RANBP2: variants seen among roughly 807,000 people sequenced by gnomAD.
RANBP2 encodes the protein E3 SUMO-protein ligase RanBP2.
In RANBP2, 57 loss-of-function variants were observed where a neutral mutation model predicts 303.6. The observed-to-expected ratio is 0.19, with a 90% CI of 0.15 to 0.23. The LOEUF (loss-of-function observed/expected upper bound fraction) is 0.23, where lower values mean the gene tolerates loss of function less well. Among genes scored for constraint, RANBP2 ranks in the 10% least tolerant of loss-of-function variants. The pLI, the probability that RANBP2 is intolerant of heterozygous loss-of-function variation, is 1.00. For missense variants in RANBP2, 3,138 were observed against 3,780.8 expected (o/e 0.83, Z 4.46); for synonymous variants, 1,167 against 1,301.5 (o/e 0.90, Z 2.23).
the RANBP2 span, among the ~76,000 whole-genome samples, chr2:109,650,391 C>T: frequency 6.6e-6 from 1 of 152,292 alleles, no homozygotes; most frequent in East Asian, 1.9e-4. Context: ...AAGCCAGGAC[C>T]ACCTATGTGA....
intron 23 of RANBP2, among the ~76,000 whole-genome samples, chr2:108,775,405 C>T (rs1419411601): frequency 2.6e-5 from 4 of 152,126 alleles, no homozygotes; most frequent in Admixed American, 2.6e-4. Context: ...TTGGCAGTTC[C>T]AGTTTTTTTG....
At chr2:108,843,956 T>A in the RANBP2 span, among the ~76,000 whole-genome samples, 1 of 130,504 alleles carries the variant, frequency 7.7e-6, no homozygotes, top group Non-Finnish European at 1.6e-5. Flanking sequence ...AGTGGCACAA[T>A]CACGGCTCAC....
At chr2:108,794,807 C>A in the RANBP2 span, 1 of 932,652 alleles carries the variant, frequency 1.1e-6, no homozygotes, top group Non-Finnish European at 1.6e-6. Flanking sequence ...TAATATATTT[C>A]ATTTTAATTA....
chr2:109,682,666 G>A, the RANBP2 span, among the ~76,000 whole-genome samples: 4 of 152,284 alleles, frequency 2.6e-5, no homozygotes, highest in South Asian at 2.1e-4. Flanking sequence ...ATAGTAAGGT[G>A]TGATGGCTCA....
chr2:108,984,918 T>A, the RANBP2 span, among the ~76,000 whole-genome samples: 871 of 152,334 alleles, frequency 5.7e-3, 8 homozygotes, highest in African/African-American at 0.02. Flanking sequence ...CTCCTGTGCA[T>A]GCAGGATTCT....
chr2:109,629,322 TATATATATATATATATATATATATA>T, the RANBP2 span, among the ~76,000 whole-genome samples: 9 of 5,690 alleles, frequency 1.6e-3, no homozygotes, highest in African/African-American at 4.9e-3. Flanking sequence ...TATATATATA[TATATATATATATATATATATATATA>T]TATATATATT....
chr2:109,624,296 A>G, the RANBP2 span, among the ~76,000 whole-genome samples: 1 of 152,190 alleles, frequency 6.6e-6, no homozygotes, highest in Non-Finnish European at 1.5e-5. Context: ...GGCTCTGGGA[A>G]GCTTTTTGAG....
the RANBP2 span, among the ~76,000 whole-genome samples, chr2:109,262,817 A>G: frequency 6.6e-6 from 1 of 152,068 alleles, no homozygotes; most frequent in Non-Finnish European, 1.5e-5. Flanking sequence ...TTTTATTTTC[A>G]TACAAGACTT....
the RANBP2 span, among the ~76,000 whole-genome samples, chr2:109,717,683 G>A: frequency 5.5e-4 from 83 of 152,246 alleles, no homozygotes; most frequent in African/African-American, 1.8e-3. Context: ...GGAGTCCAAG[G>A]CGGGTAGATC....
the RANBP2 span, among the ~76,000 whole-genome samples, chr2:109,777,389 G>A: frequency 6.9e-6 from 1 of 144,348 alleles, no homozygotes; most frequent in Admixed American, 7.3e-5. Context: ...TACATTGACT[G>A]ATTTTTATAT....
At chr2:109,403,329 C>A in the RANBP2 span, among the ~76,000 whole-genome samples, 2 of 152,218 alleles carry the variant, frequency 1.3e-5, no homozygotes, top group African/African-American at 4.8e-5. Flanking sequence ...CTCCTCTGTC[C>A]TGGCTTGCAT....
chr2:108,861,042 A>G, the RANBP2 span, among the ~76,000 whole-genome samples: 1 of 139,280 alleles, frequency 7.2e-6, no homozygotes, highest in Non-Finnish European at 1.5e-5. Context: ...TTCCTGATTC[A>G]ATCTTGGGAG....
chr2:109,449,633 A>T, the RANBP2 span: 3 of 1,134,288 alleles, frequency 2.6e-6, no homozygotes, highest in Non-Finnish European at 2.4e-6. Context: ...CAGGCGTGTG[A>T]CAGAGAGGGA....
At chr2:108,786,421 T>C (rs1382982166), downstream of RANBP2, among the ~76,000 whole-genome samples, 2 of 152,134 alleles carry the variant, frequency 1.3e-5, no homozygotes, top group East Asian at 1.9e-4. Flanking sequence ...TTCTTTTATA[T>C]GGCAGTTAGC....
chr2:109,050,418 G>A, the RANBP2 span, among the ~76,000 whole-genome samples: 2 of 126,168 alleles, frequency 1.6e-5, no homozygotes, highest in South Asian at 3.2e-4. Context: ...CACACCAGGC[G>A]AATTTTTTAA....
chr2:109,414,877 C>T, the RANBP2 span, among the ~76,000 whole-genome samples: 1 of 152,330 alleles, frequency 6.6e-6, no homozygotes, highest in Admixed American at 6.5e-5. Context: ...GGACTGATGG[C>T]CCCCACACAT....
chr2:108,826,692 C>T, the RANBP2 span, among the ~76,000 whole-genome samples: 1 of 150,610 alleles, frequency 6.6e-6, no homozygotes, highest in Non-Finnish European at 1.5e-5. Context: ...TGTGAATCTT[C>T]CAACTTTGTC....
At chr2:109,398,294 G>A in the RANBP2 span, among the ~76,000 whole-genome samples, 1 of 152,182 alleles carries the variant, frequency 6.6e-6, no homozygotes, top group Non-Finnish European at 1.5e-5. Context: ...GTGCATCCCA[G>A]AAATGGCCAG....
chr2:109,600,974 G>A, the RANBP2 span, among the ~76,000 whole-genome samples: 1 of 152,192 alleles, frequency 6.6e-6, no homozygotes, highest in Non-Finnish European at 1.5e-5. Context: ...CCCAAGCCCA[G>A]GGGCTTCTGT....
Sources: allele counts gnomAD v4.1 joint callset (sites outside exome capture counted in the v4.1 genomes callset), GRCh38; gene constraint gnomAD v4.1.1; transcripts MANE v1.5; gene names NCBI Gene and HGNC (gene_info 2026-07-23, HGNC 2026-07-21).